The following GMPS variants were observed in gnomAD, a reference collection of about 807,000 sequenced individuals.
GMPS encodes GMP synthase [glutamine-hydrolyzing].
A neutral mutation model predicts 77.9 loss-of-function variants in GMPS; 15 were observed. The ratio of observed to expected loss-of-function variants is 0.19; its 90% CI spans 0.13 to 0.30. The LOEUF is 0.30. Among genes scored for constraint, GMPS ranks in the 10% least tolerant of loss-of-function variants. The pLI, the probability that GMPS is intolerant of heterozygous loss-of-function variation, is 1.00. For missense variants in GMPS, 590 were observed against 838.8 expected (o/e 0.70, Z 3.66); for synonymous variants, 224 against 275.9 (o/e 0.81, Z 1.86).
chr3:155,925,139 C>A, intron 11 of GMPS, 102 bp from the exon 12 acceptor site: 1 of 993,930 alleles, frequency 1.0e-6, no homozygotes, highest in Non-Finnish European at 1.5e-6. Flanking sequence ...AAATACAATC[C>A]ACTGCTAAAA....
chr3:155,873,813 T>G (rs1414653866), intron 1 of GMPS, among the ~76,000 whole-genome samples: 4 of 151,750 alleles, frequency 2.6e-5, no homozygotes, highest in African/African-American at 7.3e-5. Flanking sequence ...TTTTTTGTAT[T>G]TTTAGTAGAG....
chr3:155,870,367 G>A (rs1032674378), upstream of GMPS, among the ~76,000 whole-genome samples: 7 of 94,880 alleles, frequency 7.4e-5, no homozygotes, highest in African/African-American at 3.4e-4. Context: ...CCTGGCCGGC[G>A]CCACAGGCCC....
intron 1 of GMPS, among the ~76,000 whole-genome samples, chr3:155,883,172 A>G (rs1270061477): frequency 1.3e-5 from 2 of 152,096 alleles, no homozygotes; most frequent in African/African-American, 4.8e-5. Context: ...CCTAGGTTCA[A>G]GCCATTCTCA....
chr3:155,936,756 T>A (rs958782439), intron 15 of GMPS, among the ~76,000 whole-genome samples: 1 of 152,186 alleles, frequency 6.6e-6, no homozygotes, highest in Non-Finnish European at 1.5e-5. Context: ...TTTTATCTAA[T>A]CCTGCCAATT....
intron 11 of GMPS, 98 bp from the exon 12 acceptor site, chr3:155,925,143 G>A: frequency 9.1e-7 from 1 of 1,104,310 alleles, no homozygotes; most frequent in Non-Finnish European, 1.3e-6. Flanking sequence ...ACAATCCACT[G>A]CTAAAAACCA....
intron 2 of GMPS, among the ~76,000 whole-genome samples, chr3:155,896,667 C>T (rs1754610826): frequency 2.0e-5 from 3 of 150,752 alleles, no homozygotes; most frequent in Non-Finnish European, 2.9e-5. Flanking sequence ...GCAATCTGCC[C>T]GTCTCTGTTT....
At chr3:155,929,271 A>G (rs1755539661) in intron 12 of GMPS, among the ~76,000 whole-genome samples, 1 of 151,744 alleles carries the variant, frequency 6.6e-6, no homozygotes, top group South Asian at 2.1e-4. Context: ...TTTGATTTGC[A>G]TTTCTCTGAT....
intron 3 of GMPS, 64 bp from the exon 4 acceptor site, chr3:155,903,799 C>A: frequency 1.6e-6 from 1 of 639,184 alleles, no homozygotes; most frequent in Non-Finnish European, 2.7e-6. Context: ...ATTATTAAAT[C>A]AGTATAACAA....
At chr3:155,934,710 A>G (rs1261432808) in intron 13 of GMPS, among the ~76,000 whole-genome samples, 1 of 152,168 alleles carries the variant, frequency 6.6e-6, no homozygotes, top group Non-Finnish European at 1.5e-5. Flanking sequence ...ACACACTTTG[A>G]GGAAAACACG....
At chr3:155,904,083 A>C (rs932085822) in intron 4 of GMPS, 123 bp downstream of exon 4, 2 of 514,392 alleles carry the variant, frequency 3.9e-6, no homozygotes, top group Admixed American at 7.6e-5. Context: ...TAGTGACCAC[A>C]AGTGTAATTG....
intron 9 of GMPS, among the ~76,000 whole-genome samples, chr3:155,917,784 A>G (rs1755223233): frequency 6.6e-6 from 1 of 151,344 alleles, no homozygotes; most frequent in South Asian, 2.1e-4. Context: ...GAGGCAGGAG[A>G]ATGGCTTGAA....
chr3:155,882,847 T>A (rs1256301834), intron 1 of GMPS, among the ~76,000 whole-genome samples: 2 of 152,224 alleles, frequency 1.3e-5, no homozygotes, highest in African/African-American at 2.4e-5. Flanking sequence ...CATGCTTGAT[T>A]CATTCTCATT....
Position 155,928,831 on chromosome 3 carries a change from C to A in GMPS, c.1561-2934C>A, listed in dbSNP as rs1371185101. On this transcript the variant is annotated intron_variant, in intron 12 of 15. Coordinates refer to ENST00000496455, the MANE Select transcript of GMPS (RefSeq NM_003875.3). The stretch of plus-strand genomic sequence containing the variant: ...GATAGTTTACTGAGAATGATGATTT[C>A]CAATTTCATCCATGTCCTTACAAAG... Among the ~76,000 whole-genome samples, 5 of 151,278 alleles carry A rather than the reference C, an allele frequency of 3.3e-5. No individual in the cohort carries two copies. The East Asian group carries it at 9.8e-4, about 30-fold the overall frequency.
At chr3:155,896,753 A>G (rs1312070153) in intron 2 of GMPS, among the ~76,000 whole-genome samples, 1 of 80,866 alleles carries the variant, frequency 1.2e-5, no homozygotes, top group Non-Finnish European at 2.5e-5. Flanking sequence ...TTTTTTTTTT[A>G]TAAATTTGAC....
intron 1 of GMPS, among the ~76,000 whole-genome samples, chr3:155,892,312 G>T (rs932676657): frequency 1.3e-5 from 2 of 151,772 alleles, no homozygotes; most frequent in Admixed American, 6.6e-5. Flanking sequence ...GATTTCCAGG[G>T]TACACACAAA....
At chr3:155,875,448 C>G (rs1754024897) in intron 1 of GMPS, among the ~76,000 whole-genome samples, 1 of 152,186 alleles carries the variant, frequency 6.6e-6, no homozygotes, top group African/African-American at 2.4e-5. Context: ...CCAGGCTGGT[C>G]TCGAACTCCT....
chr3:155,910,993 T>C, intron 6 of GMPS, 108 bp downstream of exon 6: 1 of 1,088,756 alleles, frequency 9.2e-7, no homozygotes, highest in Non-Finnish European at 1.3e-6. Context: ...TTTAGAGTGC[T>C]TTTCCAGTTA....
chr3:155,899,371 A>G (rs1754678054), intron 3 of GMPS, among the ~76,000 whole-genome samples: 1 of 151,972 alleles, frequency 6.6e-6, no homozygotes, highest in Non-Finnish European at 1.5e-5. Flanking sequence ...TCCTTCTCAA[A>G]AAAAAAAAGT....
intron 7 of GMPS, among the ~76,000 whole-genome samples, chr3:155,914,102 A>G (rs1288374551): frequency 1.3e-5 from 2 of 151,764 alleles, no homozygotes; most frequent in African/African-American, 4.8e-5. Flanking sequence ...ACCCGTCACC[A>G]CACCCAGCTA....
Sources: allele counts gnomAD v4.1 joint callset (sites outside exome capture counted in the v4.1 genomes callset), GRCh38; gene constraint gnomAD v4.1.1; transcripts MANE v1.5; gene names NCBI Gene and HGNC (gene_info 2026-07-23, HGNC 2026-07-21).